The following DNER variants were observed in gnomAD, a reference collection of about 807,000 sequenced individuals.
DNER encodes delta/notch like EGF repeat containing, also known as delta and Notch-like epidermal growth factor-related receptor.
In DNER, 33 loss-of-function variants were observed where a neutral mutation model predicts 78.2. The observed-to-expected ratio is 0.42, with a 90% CI of 0.32 to 0.56. DNER has a LOEUF of 0.56. DNER is among the 20% of genes least tolerant of loss of function. DNER has a pLI of 0.11. For synonymous variants in DNER, 417 were observed against 384.8 expected (o/e 1.08, Z -0.98); for missense variants, 918 against 975.3 (o/e 0.94, Z 0.78).
chr2:229,554,052 T>A (rs913723108), intron 4 of DNER, among the ~76,000 whole-genome samples: 1 of 152,230 alleles, frequency 6.6e-6, no homozygotes, highest in African/African-American at 2.4e-5. Context: ...CCATGGAATT[T>A]ATCTTCAAAA....
rs374095942 is a variant in DNER, at chr2:229,516,935, G to A, written c.994-3999C>T. The stretch of plus-strand genomic sequence containing the variant: ...ATCCTGGCCAACATGGTGAAACCCC[G>A]TCTCTACTAAAAATACAAAAAAAAA... On this transcript the variant is annotated intron_variant, in intron 5 of 12. Transcript: ENST00000341772. Among the ~76,000 whole-genome samples, 26 of 148,862 alleles carry A rather than the reference G, an allele frequency of 1.7e-4. No homozygotes were observed. In the East Asian group the frequency reaches 2.8e-3, roughly 16 times the overall value.
At chr2:229,407,904 T>C (rs1353391101) in intron 9 of DNER, among the ~76,000 whole-genome samples, 2 of 152,134 alleles carry the variant, frequency 1.3e-5, no homozygotes, top group Non-Finnish European at 2.9e-5. Context: ...TCCTTATTCC[T>C]CCATTTTACA....
intron 4 of DNER, among the ~76,000 whole-genome samples, chr2:229,549,726 A>G (rs771391130): frequency 6.6e-6 from 1 of 152,012 alleles, no homozygotes; most frequent in Non-Finnish European, 1.5e-5. Flanking sequence ...CCTGGCCAAT[A>G]TGGTGAAACC....
intron 8 of DNER, among the ~76,000 whole-genome samples, chr2:229,446,546 G>A (rs973679162): frequency 6.6e-6 from 1 of 152,162 alleles, no homozygotes; most frequent in African/African-American, 2.4e-5. Flanking sequence ...GATGTGTGGG[G>A]ATTCATTGTG....
At chr2:229,465,453 AT>A (rs1694783527) in intron 7 of DNER, among the ~76,000 whole-genome samples, 4 of 152,142 alleles carry the variant, frequency 2.6e-5, no homozygotes, top group Non-Finnish European at 5.9e-5. Flanking sequence ...AAGCATCAGG[AT>A]AAACAGCTAA....
At chr2:229,516,724 G>A (rs148729137) in intron 5 of DNER, among the ~76,000 whole-genome samples, 4 of 150,332 alleles carry the variant, frequency 2.7e-5, no homozygotes, top group African/African-American at 9.8e-5. Context: ...ATTCGAGGTT[G>A]CAGTGAGCTA....
rs376682450 is a variant in DNER, at chr2:229,621,932, A to G, written c.277-30044T>C. Among the ~76,000 whole-genome samples, 637 of 152,276 alleles carry G rather than the reference A, an allele frequency of 4.2e-3. 11 individuals carry two copies. The highest frequency in any genetic ancestry group is 7.3e-3 in the South Asian group (35 of 4,820). Reference sequence around the variant, plus strand: ...AACCCCGTCTCTACTAAAAATAAAAAAAAATTAGCTGGGCATGGTGGCAGG... The same window carrying G: ...AACCCCGTCTCTACTAAAAATAAAAGAAAATTAGCTGGGCATGGTGGCAGG... On this transcript the variant is annotated intron_variant, in intron 1 of 12. Transcript: ENST00000341772.
At chr2:229,695,720 C>T (rs1699652643) in intron 1 of DNER, among the ~76,000 whole-genome samples, 1 of 152,188 alleles carries the variant, frequency 6.6e-6, no homozygotes, top group Non-Finnish European at 1.5e-5. Context: ...AGAACTCTAC[C>T]TCTTTCCCAG....
intron 1 of DNER, among the ~76,000 whole-genome samples, chr2:229,620,281 A>G (rs1313715147): frequency 1.3e-5 from 2 of 152,274 alleles, no homozygotes; most frequent in African/African-American, 4.8e-5. Flanking sequence ...GGAACTGTCA[A>G]CAGAAAGGGC....
chr2:229,572,890 C>T (rs940577751), intron 4 of DNER, among the ~76,000 whole-genome samples: 21 of 152,186 alleles, frequency 1.4e-4, no homozygotes, highest in Non-Finnish European at 2.9e-4. Context: ...CAAGATTTAT[C>T]TGAGTTACAT....
intron 4 of DNER, among the ~76,000 whole-genome samples, chr2:229,567,004 A>T (rs1288907292): frequency 6.6e-6 from 1 of 151,882 alleles, no homozygotes; most frequent in East Asian, 1.9e-4. Flanking sequence ...CATCTCCACC[A>T]CCTTCCTCCT....
rs530516315 is a variant in DNER at position 229,613,045 on chromosome 2, G to A, written c.277-21157C>T. Among the ~76,000 whole-genome samples the A allele has an allele frequency of 7.9e-5, 12 of 152,190 alleles. No homozygotes were observed. The East Asian group carries it at 9.6e-4, about 12-fold the overall frequency. On this transcript the variant is annotated intron_variant, in intron 1 of 12. Coordinates refer to ENST00000341772, the MANE Select transcript of DNER (RefSeq NM_139072.4). ...CACTTGCATCCTCATTAAAACATTC[G>A]CATTGTAAAATGTCCAACATGAGAT...
chr2:229,464,255 A>G (rs1694758756), intron 7 of DNER, among the ~76,000 whole-genome samples: 1 of 152,226 alleles, frequency 6.6e-6, no homozygotes, highest in African/African-American at 2.4e-5. Flanking sequence ...GGGAAAATCA[A>G]TTACAAAATC....
At chr2:229,390,587 G>C (rs887194523) in intron 10 of DNER, among the ~76,000 whole-genome samples, 1 of 151,988 alleles carries the variant, frequency 6.6e-6, no homozygotes, top group African/African-American at 2.4e-5. Context: ...GAGATGGTGG[G>C]GAAAAAAATA....
chr2:229,364,313 G>A (rs973840822), intron 12 of DNER, among the ~76,000 whole-genome samples: 2 of 152,014 alleles, frequency 1.3e-5, no homozygotes, highest in African/African-American at 4.8e-5. Context: ...ACCCCTAACT[G>A]AGATCATCCA....
intron 1 of DNER, among the ~76,000 whole-genome samples, chr2:229,670,399 T>G (rs1699187754): frequency 6.7e-6 from 1 of 149,570 alleles, no homozygotes; most frequent in South Asian, 2.1e-4. Flanking sequence ...TATTCATCAT[T>G]GCACACGGTG....
At chr2:229,407,059 C>T (rs1023430015) in intron 10 of DNER, among the ~76,000 whole-genome samples, 173 bp downstream of exon 10, 1 of 152,210 alleles carries the variant, frequency 6.6e-6, no homozygotes, top group Non-Finnish European at 1.5e-5. Context: ...TAATGAGGCT[C>T]ACACAATGGG....
At chr2:229,470,843 G>T (rs1432512436) in intron 7 of DNER, among the ~76,000 whole-genome samples, 1 of 152,064 alleles carries the variant, frequency 6.6e-6, no homozygotes, top group Non-Finnish European at 1.5e-5. Flanking sequence ...AGAGCAAAAT[G>T]CTGTTTCAAA....
At chr2:229,402,143 A>G (rs372043450) in intron 10 of DNER, among the ~76,000 whole-genome samples, 3 of 151,786 alleles carry the variant, frequency 2.0e-5, no homozygotes, top group Non-Finnish European at 2.9e-5. Flanking sequence ...AAACCATAAA[A>G]GAAAAAAAAT....
Sources: allele counts gnomAD v4.1 joint callset (sites outside exome capture counted in the v4.1 genomes callset), GRCh38; gene constraint gnomAD v4.1.1; transcripts MANE v1.5; gene names NCBI Gene and HGNC (gene_info 2026-07-23, HGNC 2026-07-21).